The following KMT2D variants were observed in gnomAD, a reference collection of about 807,000 sequenced individuals.
The protein encoded by KMT2D is histone-lysine N-methyltransferase 2D.
In KMT2D, 55 loss-of-function variants were observed where a neutral mutation model predicts 512.7. The observed-to-expected ratio is 0.11, with a 90% CI of 0.09 to 0.13. The LOEUF (loss-of-function observed/expected upper bound fraction) is 0.13. KMT2D is among the 10% of genes least tolerant of loss of function. The pLI is 1.00. For missense variants in KMT2D, 6,061 were observed against 7,127.9 expected (o/e 0.85, Z 5.39); for synonymous variants, 2,995 against 2,904.0 (o/e 1.03, Z -1.01).
rs751242826 is a variant in KMT2D, at chr12:49,044,231, C to T, written c.5157G>A (p.Glu1719=). Residue 1719 remains glutamate, a synonymous_variant, in exon 22 of 55, where the codon GAG becomes GAA. Transcript: ENST00000301067. The surrounding 1 kb of genome is among the most constrained non-coding windows in gnomAD (Gnocchi z 6.4). ...RTKKGPAAQA[E]VLSGDGQPDE... is the part of the protein sequence containing the mutation. ...CGGGCTGCCCATCCCCACTCAACAC[C>T]TCCGCCTGTGCAGCAGGCCCCTTTT... The T allele has an allele frequency of 1.9e-6, 3 of 1,612,276 alleles. No homozygotes were observed. Among genetic ancestry groups the T allele is most frequent in the Non-Finnish European group, 2.5e-6 (3 of 1,179,810 alleles).
At chr12:49,045,888 T>A in intron 19 of KMT2D, 32 bp downstream of exon 19, 1 of 1,555,172 alleles carries the variant, frequency 6.4e-7, no homozygotes. Context: ...ACGTCTGGTC[T>A]GGCTTTGGCA....
At position 49,033,007 on chromosome 12, in the gene KMT2D, G is replaced by A. The variant is rs1943024819; in HGVS notation, c.11698C>T (p.Leu3900Phe). 1.9e-6 allele frequency: 3 copies of A among 1,551,382 alleles called. No homozygotes were observed. Residue 3900 changes from leucine to phenylalanine, a missense_variant, in exon 40 of 55, where the codon CTT (leucine) becomes TTT (phenylalanine). Physicochemically the swap from Leu to Phe is conservative, Grantham distance 22 (BLOSUM62 0). This residue lies in a region of KMT2D where 1,600 missense variants were observed against 1,754.9 expected (regional missense o/e 0.91). Transcript: ENST00000301067. ...TGTTGCAGCTGCTGCTGCTGCTGAA[G>A]CTGCTGTAAAGAGCCCATGGGCTGA... ...SAQPMGSLQQ[L>F]QQQQQLQQQQ... is the part of the protein sequence containing the mutation.
intron 40 of KMT2D, 32 bp from the exon 41 acceptor site, chr12:49,031,065 CCCT>C (rs753181286): frequency 2.5e-6 from 4 of 1,613,164 alleles, no homozygotes; most frequent in Non-Finnish European, 3.4e-6. Context: ...AAGGCTGCTA[CCCT>C]CCTCCTCAGA....
Position 49,041,410 on chromosome 12 carries a change from A to G in KMT2D, c.6360T>C (p.Ala2120=), listed in dbSNP as rs1943522226. Residue 2120 remains alanine, a synonymous_variant, in exon 32 of 55, where the codon GCT becomes GCC. Transcript: ENST00000301067. This position sits in a 1 kb window ranked among gnomAD's most constrained non-coding sequence, Gnocchi z 5.4. ...PGALGSPPPA[A]APTIFIGSPT... ...GGCTGCCAATGAAAATGGTGGGGGC[A>G]GCAGCGGGGGGCGGGCTGCCCAGTG... 6.2e-7 allele frequency: 1 copy of G among 1,607,604 alleles called. No individual in the cohort carries two copies.
chr12:49,047,901 G>A (rs1937651418), intron 15 of KMT2D, 64 bp downstream of exon 15: 2 of 1,167,460 alleles, frequency 1.7e-6, no homozygotes, highest in South Asian at 1.2e-5. Context: ...GCCAGGACAA[G>A]GAACTAGGGT....
Position 49,054,795 on chromosome 12 carries a change from C to A in KMT2D, c.177-44G>T, listed in dbSNP as rs2120714569. ...CAGTACCACGCCAGGCCCCCAGCAA[C>A]CCCATGATCTGGCATGCCCATGCTT... On this transcript the variant is annotated intron_variant, in intron 3 of 54. Transcript: ENST00000301067. The surrounding 1 kb of genome is among the most constrained non-coding windows in gnomAD (Gnocchi z 6.4). 4 of 1,606,510 alleles carry A rather than the reference C, an allele frequency of 2.5e-6. No homozygotes were observed. The highest frequency in any genetic ancestry group is 3.4e-6 in the Non-Finnish European group (4 of 1,173,650).
rs867117826 is a variant in KMT2D at position 49,023,152 on chromosome 12, C to A, written c.16053-277G>T. 8.5e-5 allele frequency among the ~76,000 whole-genome samples: 13 copies of A among 152,086 alleles called. No homozygotes were observed. The Middle Eastern group carries it at 0.014, about 160-fold the overall frequency. ...TGGAGGGAGATGGGGGGCACCAATT[C>A]CCCTACACTGAGCCTGTTCTCCCAT... On this transcript the variant is annotated intron_variant, in intron 51 of 54. Transcript: ENST00000301067.
At chr12:49,034,531 G>C (rs1411934560) in intron 37 of KMT2D, 51 bp downstream of exon 37, 1 of 1,611,748 alleles carries the variant, frequency 6.2e-7, no homozygotes, top group African/African-American at 1.3e-5. Flanking sequence ...CCCTAAGAAG[G>C]GTGGCCCAGT....
At position 49,029,143 on chromosome 12, in the gene KMT2D, A is replaced by C; in HGVS notation, c.14169T>G (p.Pro4723=). 22 of 1,613,782 alleles carry C rather than the reference A, an allele frequency of 1.4e-5. No individual in the cohort carries two copies. Among genetic ancestry groups the C allele is most frequent in the Non-Finnish European group, 1.9e-5 (22 of 1,179,742 alleles). Residue 4723 remains proline, a synonymous_variant, in exon 45 of 55, where the codon CCT becomes CCG. Transcript: ENST00000301067. ...SILGEEAPRF[P]HLGSGRWEQE... is the part of the protein sequence containing the mutation. ...GCTCCCACCGGCCTGAGCCCAGATG[A>C]GGGAAACGAGGGGCCTCCTCCCCCA...
chr12:49,031,627 G>A lies in KMT2D; in HGVS notation c.13078C>T (p.Pro4360Ser). Residue 4360 changes from proline (P) to serine (S), a missense_variant, in exon 40 of 55, where the codon CCT becomes TCT. Pro to Ser is a moderately conservative substitution (Grantham distance 74). This residue lies in a region of KMT2D where 1,600 missense variants were observed against 1,754.9 expected (regional missense o/e 0.91). Coordinates refer to ENST00000301067, the MANE Select transcript of KMT2D (RefSeq NM_003482.4). ...TLEPPPGRVS[P>S]AAAQLADTLF... ...GTATCTGCAAGCTGGGCAGCAGCAG[G>A]TGAGACCCTCCCAGGAGGCGGCTCC... is the stretch of plus-strand genomic sequence containing the variant. The A allele has an allele frequency of 2.5e-6, 4 of 1,602,400 alleles. No individual in the cohort carries two copies. The highest frequency in any genetic ancestry group is 3.4e-6 in the Non-Finnish European group (4 of 1,174,640).
rs750954442 is a variant in KMT2D at position 49,039,649 on chromosome 12, C to A, written c.8047-32G>T. Reference sequence around the variant, plus strand: ...AAAAAAAAGAGAAGAGGAATAAGCCCATTCTACTCCAATCATAGGGCTGCC... The same window carrying A: ...AAAAAAAAGAGAAGAGGAATAAGCCAATTCTACTCCAATCATAGGGCTGCC... On this transcript the variant is annotated intron_variant, in intron 32 of 54. Coordinates refer to ENST00000301067, the MANE Select transcript of KMT2D (RefSeq NM_003482.4). The surrounding 1 kb of genome is among the most constrained non-coding windows in gnomAD (Gnocchi z 5.0). 6.2e-7 allele frequency: 1 copy of A among 1,602,830 alleles called. No homozygotes were observed. Among genetic ancestry groups the A allele is most frequent in the Non-Finnish European group, 8.5e-7 (1 of 1,176,206 alleles).
chr12:49,043,135 T>A lies in KMT2D; in HGVS notation c.5585A>T (p.Lys1862Met), dbSNP rs1326679437. The A allele has an allele frequency of 4.3e-6, 7 of 1,613,986 alleles. No individual in the cohort carries two copies. Among genetic ancestry groups the A allele is most frequent in the Non-Finnish European group, 5.9e-6 (7 of 1,179,862 alleles). ...CATCCCTTCACCTGGGGTGCCTGGC[T>A]TCTCAGGGTCACTGGGCACTGGGGA... ...KASPVPSDPE[K>M]PGTPGEGMLS... The change falls in exon 26 of 55, where the codon AAG (lysine) becomes ATG (methionine). Residue 1862 changes from lysine to methionine, a missense_variant. By Grantham distance (95) the Lys-to-Met change is moderately conservative. Coordinates refer to ENST00000301067, the MANE Select transcript of KMT2D (RefSeq NM_003482.4).
rs2120397382 is a variant in KMT2D, at chr12:49,029,388, G to A, written c.14075+13C>T. ...CCCTTGTTCCTCATCCCCATTTCTG[G>A]CCCCGCCCCTACCTGACATCCTCAG... On this transcript the variant is annotated intron_variant, in intron 44 of 54. Coordinates refer to ENST00000301067, the MANE Select transcript of KMT2D (RefSeq NM_003482.4). 2 of 1,556,322 alleles carry A rather than the reference G, an allele frequency of 1.3e-6. No individual in the cohort carries two copies. The highest frequency in any genetic ancestry group is 1.2e-5 in the South Asian group (1 of 84,566).
In KMT2D at chr12:49,029,113, C is replaced by T. The variant is rs1942756514; in HGVS notation, c.14199G>A (p.Glu4733=). The T allele has an allele frequency of 1.2e-6, 2 of 1,612,258 alleles. No individual in the cohort carries two copies. Among genetic ancestry groups the T allele is most frequent in the African/African-American group, 2.7e-5 (2 of 74,856 alleles). The change falls in exon 45 of 55, where the codon GAG becomes GAA. Residue 4733 remains glutamate, a synonymous_variant. Coordinates refer to ENST00000301067, the MANE Select transcript of KMT2D (RefSeq NM_003482.4). ...GGATGACAGGGGAGAGGGCCCGGTCCTCTTGCTCCCACCGGCCTGAGCCCA... is the reference window on the plus strand; with the variant it reads ...GGATGACAGGGGAGAGGGCCCGGTCTTCTTGCTCCCACCGGCCTGAGCCCA... ...PHLGSGRWEQ[E]DRALSPVIPL... is the part of the protein sequence containing the mutation.
At chr12:49,036,436 C>T (rs1344622510) in intron 35 of KMT2D, among the ~76,000 whole-genome samples, 1 of 150,014 alleles carries the variant, frequency 6.7e-6, no homozygotes, top group African/African-American at 2.5e-5. Flanking sequence ...CTCAGCCTCT[C>T]GAGTAGCTGG....
Position 49,053,226 on chromosome 12 carries a change from G to T in KMT2D, c.935C>A (p.Ala312Asp), listed in dbSNP as rs750484458. ...ACTCACCTTGCACTTCCAAGAGTGA[G>T]CAGGCAGTTCCTCCATGGGTGGTTT... ...CLKPPMEELPAHSWKCKACRV... is the reference protein window; with the variant it reads ...CLKPPMEELPDHSWKCKACRV... The change falls in exon 8 of 55, where the codon GCT (alanine) becomes GAT (aspartate). Residue 312 changes from alanine to aspartate, a missense_variant. Coordinates refer to ENST00000301067, the MANE Select transcript of KMT2D (RefSeq NM_003482.4). The T allele has an allele frequency of 5.6e-6, 9 of 1,613,708 alleles. No homozygotes were observed. The Admixed American group carries it at 1.3e-4, about 24-fold the overall frequency.
In KMT2D at chr12:49,051,180, G is replaced by A. The variant is rs1937965839; in HGVS notation, c.2503C>T (p.Pro835Ser). 2.0e-6 allele frequency: 3 copies of A among 1,514,732 alleles called. No individual in the cohort carries two copies. Among genetic ancestry groups the A allele is most frequent in the East Asian group, 4.5e-5 (2 of 44,178 alleles). The allele number at this position is 1,514,732 out of a possible 1,614,324, so 93.8% of individuals were successfully genotyped here. A position where few individuals can be genotyped will look rare whatever the true frequency, so the allele number is the denominator to read the frequency against. ...SPQPEESHLS[P>S]QSEEPCLSPR... is the part of the protein sequence containing the mutation. Reference sequence around the variant, plus strand: ...GACAGGCATGGCTCCTCAGACTGGGGGGACAGGTGTGATTCCTCAGGTTGG... The same window carrying A: ...GACAGGCATGGCTCCTCAGACTGGGAGGACAGGTGTGATTCCTCAGGTTGG... The change falls in exon 11 of 55, where the codon CCC becomes TCC. Residue 835 changes from proline (P) to serine (S), a missense_variant. Physicochemically the swap from Pro to Ser is moderately conservative, Grantham distance 74 (BLOSUM62 -1). This residue lies in a region of KMT2D where 848 missense variants were observed against 838.5 expected (regional missense o/e 1.01). Transcript: ENST00000301067.
intron 48 of KMT2D, 29 bp from the exon 49 acceptor site, chr12:49,027,351 G>T: frequency 6.7e-7 from 1 of 1,496,084 alleles, no homozygotes; most frequent in Non-Finnish European, 8.9e-7. Flanking sequence ...TATCATTAGT[G>T]CCAGCTCCTC....
chr12:49,033,928 C>T lies in KMT2D; in HGVS notation c.10777G>A (p.Ala3593Thr), dbSNP rs1176945312. 1.3e-6 allele frequency: 2 copies of T among 1,534,590 alleles called. No individual in the cohort carries two copies. Among genetic ancestry groups the T allele is most frequent in the East Asian group, 2.4e-5 (1 of 40,974 alleles). ...KQQKEHTNLM[A>T]EYRNKQQQQQ... ...TGCTGCTGCTTGTTCCGATATTCTG[C>T]CATGAGATTAGTGTGCTCCTTCTGC... Residue 3593 changes from alanine (A) to threonine (T), a missense_variant, in exon 40 of 55, where the codon GCA becomes ACA. By Grantham distance (58) the Ala-to-Thr change is moderately conservative (BLOSUM62 0). Coordinates refer to ENST00000301067, the MANE Select transcript of KMT2D (RefSeq NM_003482.4).
Sources: gnomAD v4.1 joint callset for allele counts (sites outside exome capture counted in the v4.1 genomes callset) on GRCh38, gnomAD v4.1.1 for gene constraint, gnomAD v4.1.1 regional missense constraint, Gnocchi (gnomAD v3.1) non-coding constraint, MANE v1.5 for transcripts, NCBI Gene and HGNC (gene_info 2026-07-23, HGNC 2026-07-21) for gene names.